Variants in HYDIN observed in about 807,000 individuals in gnomAD.
HYDIN encodes the protein axonemal central pair apparatus protein HYDIN.
A neutral mutation model predicts 403.9 loss-of-function variants in HYDIN; 132 were observed. That is an observed-to-expected ratio of 0.33 (90% CI 0.28 to 0.38). The LOEUF (loss-of-function observed/expected upper bound fraction) is 0.38, where lower values mean the gene tolerates loss of function less well. Among genes scored for constraint, HYDIN ranks in the 10% least tolerant of loss-of-function variants. HYDIN has a pLI of 1.00. For synonymous variants in HYDIN, 1,202 were observed against 1,891.7 expected, an observed-to-expected ratio of 0.64 and a Z score of 9.46; for missense variants, 2,827 against 5,009.5, an observed-to-expected ratio of 0.56 and a Z score of 13.15.
intron 19 of HYDIN, among the ~76,000 whole-genome samples, chr16:71,029,774 T>C (rs1272315366): frequency 6.6e-6 from 1 of 151,870 alleles, no homozygotes; most frequent in African/African-American, 2.4e-5. Flanking sequence ...AAGTCCCATA[T>C]TTTGTAGATG....
chr16:70,810,070 G>C lies in HYDIN; in HGVS notation c.14659-63C>G. 4.8e-6 allele frequency: 7 copies of C among 1,470,382 alleles called. No homozygotes were observed. In the South Asian group the frequency reaches 6.9e-5, roughly 14 times the overall value. The allele number at this position is 1,470,382 out of a possible 1,614,324, so 91.1% of individuals were successfully genotyped here. A position where few individuals can be genotyped will look rare whatever the true frequency, so the allele number is the denominator to read the frequency against. ...GCTAATTCATCACCTGCCACCTAGA[G>C]ACCTGCCCAAGGCTCCATAGCAGGT... On this transcript the variant is annotated intron_variant, in intron 84 of 85. Transcript: ENST00000393567.
chr16:71,100,399 T>C (rs2083423522), intron 10 of HYDIN, among the ~76,000 whole-genome samples: 1 of 152,148 alleles, frequency 6.6e-6, no homozygotes, highest in African/African-American at 2.4e-5. Flanking sequence ...GGTGGGTTGA[T>C]TTTAAAATTT....
At chr16:71,128,275 A>T (rs977288454) in intron 9 of HYDIN, among the ~76,000 whole-genome samples, 17 of 152,164 alleles carry the variant, frequency 1.1e-4, no homozygotes, top group African/African-American at 4.1e-4. Context: ...CTTGGAGATT[A>T]ACAACACACA....
intron 49 of HYDIN, among the ~76,000 whole-genome samples, 179 bp downstream of exon 49, chr16:70,908,073 G>A (rs935883359): frequency 4.6e-5 from 7 of 152,214 alleles, no homozygotes; most frequent in Non-Finnish European, 7.3e-5. Context: ...AATCCTGGTA[G>A]TATCATGTCC....
At chr16:71,141,039 C>T (rs1254127528) in intron 7 of HYDIN, among the ~76,000 whole-genome samples, 5 of 151,424 alleles carry the variant, frequency 3.3e-5, no homozygotes, top group Non-Finnish European at 5.9e-5. Context: ...AAACTCAAAA[C>T]GCATTTTAAA....
intron 3 of HYDIN, among the ~76,000 whole-genome samples, chr16:71,182,743 C>A (rs1174749674): frequency 1.3e-5 from 2 of 151,980 alleles, no homozygotes; most frequent in African/African-American, 4.8e-5. Flanking sequence ...TAAAAGTAAA[C>A]AACAAAAAGT....
intron 64 of HYDIN, among the ~76,000 whole-genome samples, chr16:70,872,777 C>A (rs2040214031): frequency 6.9e-6 from 1 of 144,262 alleles, no homozygotes; most frequent in Non-Finnish European, 1.5e-5. Flanking sequence ...CCCACTCATC[C>A]ATCCATCATC....
At position 70,995,162 on chromosome 16, in the gene HYDIN, T is replaced by G. The variant is rs183169824; in HGVS notation, c.3645-2952A>C. On this transcript the variant is annotated intron_variant, in intron 23 of 85. Transcript: ENST00000393567. ...TACTGTAATGAGGACTTTACGTTAT[T>G]AAAACCAGAAAACCTGCTCCAAAAT... Among the ~76,000 whole-genome samples, 210 of 152,290 alleles carry G rather than the reference T, an allele frequency of 1.4e-3. 1 individual carries two copies. Among genetic ancestry groups the G allele is most frequent in the Non-Finnish European group, 2.6e-3 (174 of 68,022 alleles).
chr16:71,027,127 C>G, intron 20 of HYDIN: 1 of 1,037,338 alleles, frequency 9.6e-7, no homozygotes, highest in Non-Finnish European at 1.2e-6. Context: ...ATAAATGTGG[C>G]TCTTTTATTA....
At chr16:70,957,316 A>C (rs1175654085) in intron 39 of HYDIN, among the ~76,000 whole-genome samples, 2 of 143,428 alleles carry the variant, frequency 1.4e-5, no homozygotes, top group Non-Finnish European at 3.0e-5. Flanking sequence ...CATGTGTCAG[A>C]ATTTCCTTCC....
chr16:71,213,023 G>A (rs2088679033), intron 1 of HYDIN, among the ~76,000 whole-genome samples: 1 of 152,100 alleles, frequency 6.6e-6, no homozygotes, highest in Non-Finnish European at 1.5e-5. Flanking sequence ...GAAGACAGTA[G>A]GATGATGCAT....
At chr16:71,051,645 C>CAAAAAAAAAAAAAAAAAAAAAAA (rs56676777) in intron 18 of HYDIN, among the ~76,000 whole-genome samples, 2 of 120,202 alleles carry the variant, frequency 1.7e-5, no homozygotes, top group African/African-American at 6.4e-5. Context: ...GACTCTGTCT[C>CAAAAAAAAAAAAAAAAAAAAAAA]AAAAAAAAAA....
At chr16:71,180,827 T>C (rs2086870078) in intron 3 of HYDIN, among the ~76,000 whole-genome samples, 1 of 152,130 alleles carries the variant, frequency 6.6e-6, no homozygotes, top group African/African-American at 2.4e-5. Context: ...AAATAAATCA[T>C]TCTAATAATT....
chr16:71,089,591 G>C (rs1308894341), intron 11 of HYDIN, among the ~76,000 whole-genome samples: 1 of 152,214 alleles, frequency 6.6e-6, no homozygotes, highest in African/African-American at 2.4e-5. Flanking sequence ...CAGAGGTCAG[G>C]AGAGTAAGTC....
intron 1 of HYDIN, among the ~76,000 whole-genome samples, chr16:71,190,168 A>G (rs2087358177): frequency 6.6e-6 from 1 of 152,180 alleles, no homozygotes; most frequent in Non-Finnish European, 1.5e-5. Context: ...ACTAACAGAA[A>G]TCACAACTCC....
At position 70,943,979 on chromosome 16, in the gene HYDIN, G is replaced by A. The variant is rs374873097; in HGVS notation, c.6532-30C>T. 1.4e-4 allele frequency: 223 copies of A among 1,538,324 alleles called. 1 individual carries two copies. Among genetic ancestry groups the A allele is most frequent in the Non-Finnish European group, 1.9e-4 (215 of 1,130,582 alleles). On this transcript the variant is annotated intron_variant, in intron 41 of 85. Coordinates refer to ENST00000393567, the MANE Select transcript of HYDIN (RefSeq NM_001270974.2). ...TGAGTGGGAGAAGGATCAGGAGTCA[G>A]AATCTGGCCTTGTATCTCAACAACT... is the stretch of plus-strand genomic sequence containing the variant.
In HYDIN at chr16:70,896,629, T is replaced by A. The variant is rs2076211523; in HGVS notation, c.9049-549A>T. 2.0e-5 allele frequency among the ~76,000 whole-genome samples: 3 copies of A among 151,056 alleles called. No homozygotes were observed. The South Asian group carries it at 6.3e-4, about 32-fold the overall frequency. On this transcript the variant is annotated intron_variant, in intron 53 of 85. Coordinates refer to ENST00000393567, the MANE Select transcript of HYDIN (RefSeq NM_001270974.2). ...TCTCAGCCTCCAAAAGTGTTGGGGT[T>A]ATAGATGTGAGCCATCATGCCCAAC...
chr16:71,203,054 G>T (rs2088104631), intron 1 of HYDIN, among the ~76,000 whole-genome samples: 1 of 152,188 alleles, frequency 6.6e-6, no homozygotes, highest in East Asian at 1.9e-4. Flanking sequence ...GGCCAAAAAT[G>T]AATTTAAAGG....
At chr16:70,843,137 A>G (rs1339667850) in intron 75 of HYDIN, among the ~76,000 whole-genome samples, 1 of 147,280 alleles carries the variant, frequency 6.8e-6, no homozygotes, top group Non-Finnish European at 1.5e-5. Flanking sequence ...GGTGCGCTGC[A>G]CCCACTAACT....
Sources: allele counts gnomAD v4.1 joint callset (sites outside exome capture counted in the v4.1 genomes callset), GRCh38; gene constraint gnomAD v4.1.1; transcripts MANE v1.5; gene names NCBI Gene and HGNC (gene_info 2026-07-23, HGNC 2026-07-21).